The following TLR10 variants were observed in gnomAD, a reference collection of about 807,000 sequenced individuals.
TLR10 encodes toll like receptor 10.
For synonymous variants in TLR10, 288 were observed against 338.8 expected, an observed-to-expected ratio of 0.85 and a Z score of 1.65; for missense variants, 929 against 932.9, an observed-to-expected ratio of 1.00 and a Z score of 0.05.
rs10856837 is a variant in TLR10 at position 38,775,438 on chromosome 4, C to A, written c.153G>T (p.Thr51=). The A allele has an allele frequency of 1.2e-6, 2 of 1,613,892 alleles. No individual in the cohort carries two copies. Among genetic ancestry groups the A allele is most frequent in the Admixed American group, 3.3e-5 (2 of 59,972 alleles). Residue 51 remains threonine (T), a synonymous_variant, in exon 4 of 4, where the codon ACG becomes ACT. Coordinates refer to ENST00000308973, the MANE Select transcript of TLR10 (RefSeq NM_030956.4). ...GGAGGTTATAGGATAAATCCAGTGT[C>A]GTTGTGGCTGGGGTCAAGTCTGCGG... ...KVPADLTPAT[T]TLDLSYNLLF...
At chr4:38,781,995 G>C (rs1725442186) in intron 1 of TLR10, among the ~76,000 whole-genome samples, 1 of 152,172 alleles carries the variant, frequency 6.6e-6, no homozygotes, top group Non-Finnish European at 1.5e-5. Flanking sequence ...TGAAGAAGCA[G>C]AGATTTGAAC....
rs1238490447 is a variant in TLR10, at chr4:38,774,998, G to C, written c.593C>G (p.Pro198Arg). 6.2e-7 allele frequency: 1 copy of C among 1,613,218 alleles called. No individual in the cohort carries two copies. Among genetic ancestry groups the C allele is most frequent in the East Asian group, 2.2e-5 (1 of 44,870 alleles). The change falls in exon 4 of 4, where the codon CCA (proline) becomes CGA (arginine). Residue 198 changes from proline (P) to arginine (R), a missense_variant. Pro to Arg is a moderately radical substitution (Grantham distance 103). Transcript: ENST00000308973. ...LNTTKLHIVL[P>R]MDTNFWVLLR... ...AAGAACCCAGAAATTTGTGTCCATTGGTAAAACAATGTGCAGTTTTGTTGT... is the reference window on the plus strand; with the variant it reads ...AAGAACCCAGAAATTTGTGTCCATTCGTAAAACAATGTGCAGTTTTGTTGT...
chr4:38,779,579 A>G (rs1027811129), intron 1 of TLR10, among the ~76,000 whole-genome samples: 12 of 152,232 alleles, frequency 7.9e-5, no homozygotes, highest in African/African-American at 2.9e-4. Context: ...TAAGTTTTCT[A>G]CATCTACTTT....
chr4:38,777,337 G>A (rs558656550), intron 1 of TLR10, among the ~76,000 whole-genome samples: 1 of 152,152 alleles, frequency 6.6e-6, no homozygotes, highest in East Asian at 1.9e-4. Flanking sequence ...AGATCCTGAT[G>A]TGCTTGGAAA....
chr4:38,774,029 C>A lies in TLR10; in HGVS notation c.1562G>T (p.Arg521Ile), dbSNP rs748718869. Residue 521 changes from arginine to isoleucine, a missense_variant, in exon 4 of 4, where the codon AGA becomes ATA. By Grantham distance (97) the Arg-to-Ile change is moderately conservative. Transcript: ENST00000308973. ...CQEVKTLNAG[R>I]NPFRCTCELK... is the part of the protein sequence containing the mutation. ...TTCACAGGTACACCGGAATGGATTT[C>A]TTCCCGCATTTAGAGTTTTAACTTC... is the stretch of plus-strand genomic sequence containing the variant. 1.2e-6 allele frequency: 2 copies of A among 1,608,340 alleles called. No homozygotes were observed. Among genetic ancestry groups the A allele is most frequent in the Non-Finnish European group, 1.7e-6 (2 of 1,176,914 alleles).
At chr4:38,779,366 G>A (rs555533614) in intron 1 of TLR10, among the ~76,000 whole-genome samples, 38 of 152,212 alleles carry the variant, frequency 2.5e-4, no homozygotes, top group African/African-American at 8.2e-4. Context: ...TTTTAAAAAC[G>A]TGGTCAAATG....
intron 1 of TLR10, among the ~76,000 whole-genome samples, chr4:38,780,425 G>T (rs561846964): frequency 1.4e-5 from 2 of 142,590 alleles, no homozygotes; most frequent in African/African-American, 2.6e-5. Flanking sequence ...GAATAAGTTT[G>T]GTTTTAGTGA....
chr4:38,773,396 G>T lies in TLR10; in HGVS notation c.2195C>A (p.Pro732His), dbSNP rs991175184. The T allele has an allele frequency of 1.9e-6, 3 of 1,613,608 alleles. No homozygotes were observed. Among genetic ancestry groups the T allele is most frequent in the East Asian group, 2.2e-5 (1 of 44,886 alleles). ...GGTGGGAATGCAATAGAATGGAATG[G>T]GTTCCAGTAAGATAAGAATTATATG... ...SDHIILILLEPIPFYCIPTRY... is the reference protein window; with the variant it reads ...SDHIILILLEHIPFYCIPTRY... Residue 732 changes from proline (P) to histidine (H), a missense_variant, in exon 4 of 4, where the codon CCC (proline) becomes CAC (histidine). Pro to His is a moderately conservative substitution (Grantham distance 77, BLOSUM62 -2). Transcript: ENST00000308973.
chr4:38,775,659 A>T lies in TLR10; in HGVS notation c.-62-7T>A. On this transcript the variant is annotated splice_region_variant and splice_polypyrimidine_tract_variant and intron_variant, in intron 3 of 3. Coordinates refer to ENST00000308973, the MANE Select transcript of TLR10 (RefSeq NM_030956.4). ...TGAAGATGAGCTCAAAACCCTAAAA[A>T]AAAGTATATAATATTAGATTTTTAT... 2.2e-5 allele frequency: 30 copies of T among 1,389,000 alleles called. No homozygotes were observed. The highest frequency in any genetic ancestry group is 2.8e-5 in the Non-Finnish European group (29 of 1,033,588). 86.0% of individuals were successfully genotyped at this position (1,389,000 alleles called of 1,614,324 possible).
rs558005662 is a variant in TLR10, at chr4:38,775,947, C to T, written c.-235G>A. ...AGGCCAGACTCAATACCCTCTCTCA[C>T]ATCTCCTTTTGATAGCCTGAAGATT... On this transcript the variant is annotated 5_prime_UTR_variant, in exon 3 of 4. It adds an upstream start codon to the 5' untranslated region. Coordinates refer to ENST00000308973, the MANE Select transcript of TLR10 (RefSeq NM_030956.4). 33 of 172,842 alleles carry T rather than the reference C, an allele frequency of 1.9e-4. No individual in the cohort carries two copies. The South Asian group carries it at 6.2e-3, about 32-fold the overall frequency. The allele number at this position is 172,842 out of a possible 1,614,324, so 10.7% of individuals were successfully genotyped here.
In TLR10 at chr4:38,775,129, T is replaced by G; in HGVS notation, c.462A>C (p.Ile154=). ...LEILGLSGAK[I]QKSDFQKIAH... is the part of the protein sequence containing the mutation. ...CAATTTTCTGGAAATCTGATTTTTG[T>G]ATTTTTGCCCCACTCAAACCTAGGA... Residue 154 remains isoleucine, a synonymous_variant, in exon 4 of 4, where the codon ATA becomes ATC. Transcript: ENST00000308973. 6.2e-7 allele frequency: 1 copy of G among 1,613,668 alleles called. No individual in the cohort carries two copies.
chr4:38,777,670 T>C (rs1725139612), intron 1 of TLR10, among the ~76,000 whole-genome samples: 1 of 152,120 alleles, frequency 6.6e-6, no homozygotes, highest in Non-Finnish European at 1.5e-5. Context: ...AAAGAAGACA[T>C]TTATGCAGCC....
chr4:38,773,760 C>T lies in TLR10; in HGVS notation c.1831G>A (p.Gly611Ser). The change falls in exon 4 of 4, where the codon GGT becomes AGT. Residue 611 changes from glycine (G) to serine (S), a missense_variant. Gly to Ser is a moderately conservative substitution (Grantham distance 56). Coordinates refer to ENST00000308973, the MANE Select transcript of TLR10 (RefSeq NM_030956.4). ...FDLPWYLRML[G>S]QCTQTWHRVR... is the part of the protein sequence containing the mutation. The stretch of plus-strand genomic sequence containing the variant: ...CTGTGCCATGTTTGTGTGCATTGAC[C>T]TAGCATCCTGAGATACCAGGGCAGA... The T allele has an allele frequency of 6.2e-7, 1 of 1,612,332 alleles. No individual in the cohort carries two copies.
Position 38,775,185 on chromosome 4 carries a change from C to T in TLR10, c.406G>A (p.Glu136Lys), listed in dbSNP as rs1724966680. 4 of 1,613,534 alleles carry T rather than the reference C, an allele frequency of 2.5e-6. No homozygotes were observed. Among genetic ancestry groups the T allele is most frequent in the Admixed American group, 1.7e-5 (1 of 59,880 alleles). ...AGGTGTGACATGTTGCCAGCTTCCT[C>T]ACAGATAGGCATGGTGTCAAAGTCA... ...FNDFDTMPIC[E>K]EAGNMSHLEI... Residue 136 changes from glutamate to lysine, a missense_variant, in exon 4 of 4, where the codon GAG becomes AAG. Physicochemically the swap from Glu to Lys is moderately conservative, Grantham distance 56. Coordinates refer to ENST00000308973, the MANE Select transcript of TLR10 (RefSeq NM_030956.4).
chr4:38,782,553 C>T (rs1409460615), intron 1 of TLR10, among the ~76,000 whole-genome samples: 1 of 152,176 alleles, frequency 6.6e-6, no homozygotes. Flanking sequence ...AAAGGAGCAA[C>T]AAATATGCCT....
At chr4:38,780,290 G>A (rs1245277590) in intron 1 of TLR10, among the ~76,000 whole-genome samples, 1 of 152,070 alleles carries the variant, frequency 6.6e-6, no homozygotes, top group Admixed American at 6.6e-5. Flanking sequence ...TGTAGTCCCA[G>A]CTACTCGGGA....
chr4:38,780,736 A>G (rs7684242), intron 1 of TLR10, among the ~76,000 whole-genome samples: 4,064 of 152,334 alleles, frequency 0.027, 143 homozygotes, highest in African/African-American at 0.073. Context: ...AAAAATGAAA[A>G]TTAATGCAAA....
In TLR10 at chr4:38,773,063, A is replaced by G; in HGVS notation, c.*92T>C. ...GAAGGGAATAACCATTTTTTATTTT[A>G]ATAAATATTGTCAAATTGCCATCAT... is the stretch of plus-strand genomic sequence containing the variant. On this transcript the variant is annotated 3_prime_UTR_variant, in exon 4 of 4. Transcript: ENST00000308973. 1 of 1,229,634 alleles carries G rather than the reference A, an allele frequency of 8.1e-7. No individual in the cohort carries two copies. Among genetic ancestry groups the G allele is most frequent in the East Asian group, 2.7e-5 (1 of 36,894 alleles). 76.2% of individuals were successfully genotyped at this position (1,229,634 alleles called of 1,614,324 possible).
At chr4:38,779,220 T>C (rs912136492) in intron 1 of TLR10, among the ~76,000 whole-genome samples, 1 of 152,230 alleles carries the variant, frequency 6.6e-6, no homozygotes, top group African/African-American at 2.4e-5. Context: ...TGTAAAAATA[T>C]TAATTATCCA....
Sources: gnomAD v4.1 joint callset for allele counts (sites outside exome capture counted in the v4.1 genomes callset) on GRCh38, gnomAD v4.1.1 for gene constraint, MANE v1.5 for transcripts, NCBI Gene and HGNC (gene_info 2026-07-23, HGNC 2026-07-21) for gene names.